RSU1: variants seen among roughly 807,000 people sequenced by gnomAD.
The protein encoded by RSU1 is rsu-1.
Under a neutral mutation model 31.1 loss-of-function variants are expected in RSU1, and 26 were observed. That is an observed-to-expected ratio of 0.84 (90% CI 0.61 to 1.16). The LOEUF is 1.16. Among genes scored for constraint, RSU1 ranks in the 50% most tolerant of loss-of-function variants. RSU1 has a pLI of 0.00. For synonymous variants in RSU1, 164 were observed against 136.3 expected (o/e 1.20, Z -1.41); for missense variants, 320 against 339.1 (o/e 0.94, Z 0.44).
chr10:16,812,782 CACTT>C (rs1838435213), intron 2 of RSU1, among the ~76,000 whole-genome samples: 2 of 152,096 alleles, frequency 1.3e-5, no homozygotes, highest in Admixed American at 1.3e-4. Context: ...AATCAGGAAA[CACTT>C]AAATAAGAGA....
At chr10:16,737,833 G>C (rs1836662081) in intron 7 of RSU1, among the ~76,000 whole-genome samples, 1 of 151,608 alleles carries the variant, frequency 6.6e-6, no homozygotes. Flanking sequence ...CACTGATGGG[G>C]CACATAAAAC....
intron 8 of RSU1, among the ~76,000 whole-genome samples, chr10:16,615,824 A>T (rs925457835): frequency 6.6e-6 from 1 of 152,226 alleles, no homozygotes; most frequent in African/African-American, 2.4e-5. Flanking sequence ...CTCTGAAACC[A>T]ATGAGAACAA....
chr10:16,782,915 T>A (rs1235071957), intron 2 of RSU1, among the ~76,000 whole-genome samples: 1 of 146,728 alleles, frequency 6.8e-6, no homozygotes, highest in Non-Finnish European at 1.5e-5. Context: ...TTTTTCCTAT[T>A]TTTTTTTTTT....
intron 8 of RSU1, among the ~76,000 whole-genome samples, chr10:16,680,781 T>C (rs1835316637): frequency 6.6e-6 from 1 of 152,282 alleles, no homozygotes; most frequent in African/African-American, 2.4e-5. Flanking sequence ...TGCTGGGGAT[T>C]GCATTTCAAC....
At chr10:16,747,173 G>C (rs114172109) in intron 7 of RSU1, among the ~76,000 whole-genome samples, 1,872 of 152,212 alleles carry the variant, frequency 0.012, 48 homozygotes, top group African/African-American at 0.042. Context: ...TAACATCCTC[G>C]ATCCTTCTGG....
intron 8 of RSU1, among the ~76,000 whole-genome samples, chr10:16,661,137 G>A (rs1834880982): frequency 6.6e-6 from 1 of 152,014 alleles, no homozygotes; most frequent in Admixed American, 6.6e-5. Context: ...TCTATATGCA[G>A]TATTCTGCAC....
At chr10:16,674,821 T>G (rs991494691) in intron 8 of RSU1, among the ~76,000 whole-genome samples, 5 of 151,836 alleles carry the variant, frequency 3.3e-5, no homozygotes, top group Non-Finnish European at 5.9e-5. Flanking sequence ...CACTTGAGAC[T>G]CAGGAGTTCG....
intron 8 of RSU1, among the ~76,000 whole-genome samples, chr10:16,672,886 A>G (rs1200430806): frequency 6.6e-5 from 10 of 152,224 alleles, no homozygotes; most frequent in Non-Finnish European, 1.5e-4. Context: ...TTGTATGCCA[A>G]TTGTTGTCAA....
In RSU1 at chr10:16,591,696, A is replaced by ATCTT. The variant is rs1833506990; in HGVS notation, c.*1694_*1697dup. Reference sequence around the variant, plus strand: ...GTTCCTGTGCGTTTCTGGAGTTTTCATCTTTTGAAAAAAATGACTCATAAG... The same window carrying ATCTT: ...GTTCCTGTGCGTTTCTGGAGTTTTCATCTTTCTTTTGAAAAAAATGACTCATAAG... On this transcript the variant is annotated 3_prime_UTR_variant, in exon 9 of 9. Transcript: ENST00000345264. 6.6e-6 allele frequency: 1 copy of ATCTT among 152,062 alleles called. No individual in the cohort carries two copies. Among genetic ancestry groups the ATCTT allele is most frequent in the Non-Finnish European group, 1.5e-5 (1 of 67,990 alleles). 9.4% of individuals were successfully genotyped at this position (152,062 alleles called of 1,614,324 possible).
At chr10:16,686,460 C>G (rs1202487955) in intron 8 of RSU1, among the ~76,000 whole-genome samples, 1 of 151,962 alleles carries the variant, frequency 6.6e-6, no homozygotes, top group Non-Finnish European at 1.5e-5. Flanking sequence ...TGAATAGCAT[C>G]CAAAAAAAAG....
At chr10:16,767,655 C>T (rs527769493) in intron 3 of RSU1, among the ~76,000 whole-genome samples, 1 of 151,984 alleles carries the variant, frequency 6.6e-6, no homozygotes, top group African/African-American at 2.4e-5. Context: ...AACATGCAGA[C>T]CCTTCTGGAT....
intron 7 of RSU1, among the ~76,000 whole-genome samples, chr10:16,697,711 A>C (rs966335189): frequency 6.6e-6 from 1 of 152,010 alleles, no homozygotes; most frequent in Non-Finnish European, 1.5e-5. Flanking sequence ...AAGTAGATGA[A>C]AAAAAAGCAG....
At chr10:16,711,398 TG>T (rs1414259535) in intron 7 of RSU1, among the ~76,000 whole-genome samples, 1 of 152,204 alleles carries the variant, frequency 6.6e-6, no homozygotes, top group East Asian at 1.9e-4. Context: ...ATTTCTTCTC[TG>T]AGCCTTATTC....
At chr10:16,659,157 C>T (rs1226491450) in intron 8 of RSU1, among the ~76,000 whole-genome samples, 4 of 152,146 alleles carry the variant, frequency 2.6e-5, no homozygotes, top group Non-Finnish European at 5.9e-5. Context: ...TCAGTTGTGG[C>T]TTGCATCTTT....
chr10:16,597,637 A>G (rs1310663548), intron 8 of RSU1, among the ~76,000 whole-genome samples: 1 of 152,218 alleles, frequency 6.6e-6, no homozygotes, highest in East Asian at 1.9e-4. Flanking sequence ...GAAAAGTAGG[A>G]CAGACATGGA....
intron 8 of RSU1, among the ~76,000 whole-genome samples, chr10:16,660,593 T>C (rs1029905438): frequency 1.3e-5 from 2 of 151,716 alleles, no homozygotes; most frequent in Admixed American, 1.3e-4. Flanking sequence ...CGTTACTCTG[T>C]GTTTTGTGTT....
chr10:16,688,082 T>C (rs563043351), intron 8 of RSU1, among the ~76,000 whole-genome samples: 22 of 151,968 alleles, frequency 1.4e-4, no homozygotes, highest in Non-Finnish European at 2.5e-4. Flanking sequence ...CATTCTGGAG[T>C]TTTTTGTGTT....
intron 8 of RSU1, among the ~76,000 whole-genome samples, chr10:16,603,684 CA>C (rs1833749945): frequency 6.6e-6 from 1 of 152,160 alleles, no homozygotes; most frequent in Non-Finnish European, 1.5e-5. Context: ...AACTCAAAGG[CA>C]AAAGGAAATC....
chr10:16,654,867 T>C (rs1398989451), intron 8 of RSU1, among the ~76,000 whole-genome samples: 1 of 151,874 alleles, frequency 6.6e-6, no homozygotes, highest in Non-Finnish European at 1.5e-5. Flanking sequence ...GAGACCAGCC[T>C]GGGCAACATA....
Sources: allele counts gnomAD v4.1 joint callset (sites outside exome capture counted in the v4.1 genomes callset), GRCh38; gene constraint gnomAD v4.1.1; transcripts MANE v1.5; gene names NCBI Gene and HGNC (gene_info 2026-07-23, HGNC 2026-07-21).